The following MAP7D2 variants were observed in gnomAD, a reference collection of about 807,000 sequenced individuals.
MAP7D2 encodes MAP7 domain-containing protein 2.
In MAP7D2, 33 loss-of-function variants were observed where a neutral mutation model predicts 63.5. The observed-to-expected ratio is 0.52, with a 90% CI of 0.39 to 0.70. The LOEUF is 0.70. Among genes scored for constraint, MAP7D2 ranks in the 30% least tolerant of loss-of-function variants. The pLI is 0.00. For synonymous variants in MAP7D2, 224 were observed against 223.7 expected, an observed-to-expected ratio of 1.00 and a Z score of -0.01; for missense variants, 626 against 604.0, an observed-to-expected ratio of 1.04 and a Z score of -0.38.
intron 1 of MAP7D2, among the ~76,000 whole-genome samples, chrX:20,071,796 T>C (rs1182922622): frequency 9.0e-6 from 1 of 111,701 alleles, no homozygotes; most frequent in East Asian, 2.8e-4. Context: ...TTGTTTTGTT[T>C]TGTTTTGTTT....
chrX:20,092,180 C>G (rs1467715105), intron 1 of MAP7D2, among the ~76,000 whole-genome samples: 1 of 111,834 alleles, frequency 8.9e-6, no homozygotes, highest in Non-Finnish European at 1.9e-5. Flanking sequence ...ATTCAAGAAG[C>G]TTTGGCTTAT....
intron 8 of MAP7D2, among the ~76,000 whole-genome samples, chrX:20,036,516 A>G (rs2074236849): frequency 2.8e-5 from 3 of 106,551 alleles, no homozygotes; most frequent in Middle Eastern, 4.8e-3. Flanking sequence ...TGCTGGGACT[A>G]TAGGTGTGAG....
intron 3 of MAP7D2, among the ~76,000 whole-genome samples, chrX:20,061,118 C>CAA (rs780468494): frequency 1.4e-3 from 48 of 34,763 alleles, no homozygotes; most frequent in East Asian, 2.6e-3. Flanking sequence ...AGAACATGAC[C>CAA]AAAAAAAAAA....
At chrX:20,085,623 T>C (rs967651414) in intron 1 of MAP7D2, among the ~76,000 whole-genome samples, 3 of 112,601 alleles carry the variant, frequency 2.7e-5, no homozygotes, top group African/African-American at 6.5e-5. Flanking sequence ...GTGATGGTTG[T>C]ATGCACACAA....
intron 8 of MAP7D2, among the ~76,000 whole-genome samples, chrX:20,033,839 C>T (rs1479571278): frequency 8.9e-6 from 1 of 112,142 alleles, no homozygotes; most frequent in African/African-American, 3.2e-5. Flanking sequence ...TTGTGTGTGG[C>T]ATCATTCTAA....
chrX:20,038,541 A>G (rs1397815709), intron 8 of MAP7D2, among the ~76,000 whole-genome samples: 1 of 111,698 alleles, frequency 9.0e-6, no homozygotes. Context: ...CGTCCTATAC[A>G]TGGTACTGTT....
chrX:20,046,798 T>C (rs919936009), intron 6 of MAP7D2, among the ~76,000 whole-genome samples: 2 of 112,787 alleles, frequency 1.8e-5, no homozygotes, highest in African/African-American at 6.4e-5. Flanking sequence ...CTTTGAAAGG[T>C]CTGGGTGAGA....
intron 1 of MAP7D2, among the ~76,000 whole-genome samples, chrX:20,071,708 G>C (rs925425864): frequency 1.8e-5 from 2 of 112,590 alleles, no homozygotes; most frequent in Non-Finnish European, 3.8e-5. Flanking sequence ...AGGAATGACT[G>C]ATCACCTGCC....
rs188932807 is a variant in MAP7D2 at position 20,102,454 on chromosome X, C to T, written c.130+14296G>A. ...TGCAAAGTGTGCTGAACATTCTGAG[C>T]GGGAGTGGTTACAGGCCAGAGAGAT... On this transcript the variant is annotated intron_variant, in intron 1 of 16. Coordinates refer to ENST00000379643, the MANE Select transcript of MAP7D2 (RefSeq NM_001168465.2). 6.3e-5 allele frequency among the ~76,000 whole-genome samples: 7 copies of T among 110,547 alleles called. No homozygotes were observed. In the East Asian group the frequency reaches 8.5e-4, roughly 13 times the overall value.
intron 8 of MAP7D2, among the ~76,000 whole-genome samples, chrX:20,029,806 A>G (rs1289461666): frequency 9.3e-6 from 1 of 107,014 alleles, no homozygotes; most frequent in Non-Finnish European, 1.9e-5. Context: ...TTTTTTTTAC[A>G]GTGAGTGAAC....
chrX:20,015,919 T>G (rs1342290867), intron 11 of MAP7D2, among the ~76,000 whole-genome samples, 175 bp downstream of exon 11: 1 of 112,401 alleles, frequency 8.9e-6, no homozygotes. Flanking sequence ...AACTCACAGA[T>G]GGCAAACATT....
intron 1 of MAP7D2, among the ~76,000 whole-genome samples, chrX:20,098,920 C>A (rs2066349044): frequency 8.9e-6 from 1 of 112,786 alleles, no homozygotes; most frequent in African/African-American, 3.2e-5. Context: ...TTGGTTCAGG[C>A]TGTCCCAACC....
At chrX:20,086,002 G>T (rs1221064079) in intron 1 of MAP7D2, among the ~76,000 whole-genome samples, 3 of 112,508 alleles carry the variant, frequency 2.7e-5, no homozygotes, top group African/African-American at 9.7e-5. Flanking sequence ...GTGAGCCACC[G>T]TGCAGGCCTG....
intron 5 of MAP7D2, 83 bp downstream of exon 5, chrX:20,052,795 G>A (rs1026393685): frequency 2.7e-6 from 2 of 735,681 alleles, no homozygotes; most frequent in East Asian, 3.2e-5. Flanking sequence ...GGCTCAAGAG[G>A]AGACTCTCAC....
chrX:20,034,686 T>C (rs1039476184), intron 8 of MAP7D2, among the ~76,000 whole-genome samples: 2 of 110,946 alleles, frequency 1.8e-5, no homozygotes, highest in Non-Finnish European at 3.8e-5. Context: ...AATCAAGAAA[T>C]GGGCCCTCAA....
At chrX:20,089,128 A>G (rs973981257) in intron 1 of MAP7D2, among the ~76,000 whole-genome samples, 1 of 111,797 alleles carries the variant, frequency 8.9e-6, no homozygotes, top group South Asian at 3.7e-4. Flanking sequence ...GTTTAGCTCT[A>G]TTTTGGAGTT....
At chrX:20,017,368 T>C (rs1352747207) in intron 10 of MAP7D2, among the ~76,000 whole-genome samples, 1 of 112,166 alleles carries the variant, frequency 8.9e-6, no homozygotes, top group East Asian at 2.8e-4. Flanking sequence ...AATCTGTATG[T>C]CCTTTAGAAA....
At position 20,013,635 on chromosome X, in the gene MAP7D2, A is replaced by G; in HGVS notation, c.1750-10T>C. 1 of 1,123,064 alleles carries G rather than the reference A, an allele frequency of 8.9e-7. No individual in the cohort carries two copies. Among genetic ancestry groups the G allele is most frequent in the South Asian group, 1.9e-5 (1 of 52,067 alleles). 92.6% of individuals were successfully genotyped at this position (1,123,064 alleles called of 1,213,427 possible). ...TGATTTCATCTATTCTCTAAAAACA[A>G]AAAACAAAAAACAAAATCAAGTAAG... On this transcript the variant is annotated splice_polypyrimidine_tract_variant and intron_variant, in intron 12 of 16. Transcript: ENST00000379643.
At chrX:20,111,330 G>A (rs980318896) in intron 1 of MAP7D2, among the ~76,000 whole-genome samples, 1 of 112,129 alleles carries the variant, frequency 8.9e-6, no homozygotes, top group Admixed American at 9.5e-5. Context: ...ACTGCAGACC[G>A]CTGTGTACAT....
Sources: gnomAD v4.1 joint callset for allele counts (sites outside exome capture counted in the v4.1 genomes callset) on GRCh38, gnomAD v4.1.1 for gene constraint, MANE v1.5 for transcripts, NCBI Gene and HGNC (gene_info 2026-07-23, HGNC 2026-07-21) for gene names.